Variants in CACNA1C observed in about 807,000 individuals in gnomAD.
CACNA1C encodes the protein calcium voltage-gated channel subunit alpha1 C.
A neutral mutation model predicts 229.0 loss-of-function variants in CACNA1C; 30 were observed. The observed-to-expected ratio is 0.13, with a 90% CI of 0.10 to 0.18. The LOEUF (loss-of-function observed/expected upper bound fraction) is 0.18. CACNA1C is among the 10% of genes least tolerant of loss of function. The probability of loss-of-function intolerance (pLI) is 1.00; values close to 1 mark genes in which losing one functional copy is unlikely to be tolerated. For missense variants in CACNA1C, 1,658 were observed against 2,845.0 expected (o/e 0.58, Z 9.49); for synonymous variants, 1,114 against 1,132.5 (o/e 0.98, Z 0.33).
Position 2,658,765 on chromosome 12 carries a change from G to A in CACNA1C, c.4232+3527G>A, listed in dbSNP as rs565258395. 7.9e-5 allele frequency among the ~76,000 whole-genome samples: 12 copies of A among 152,124 alleles called. No individual in the cohort carries two copies. In the East Asian group the frequency reaches 2.3e-3, roughly 29 times the overall value. ...AGACCTTCCGATAGGACAAGATGTG[G>A]AGGTGGAAGACAGTGATGTTGATGA... is the stretch of plus-strand genomic sequence containing the variant. On this transcript the variant is annotated intron_variant, in intron 34 of 46. Transcript: ENST00000399655.
At chr12:2,444,538 C>T (rs747240719) in intron 3 of CACNA1C, among the ~76,000 whole-genome samples, 29 of 152,126 alleles carry the variant, frequency 1.9e-4, no homozygotes, top group Non-Finnish European at 3.2e-4. Flanking sequence ...CTCGTTCAGC[C>T]GTCTCCTGCA....
At chr12:2,151,095 T>A (rs2095214820) in intron 3 of CACNA1C, among the ~76,000 whole-genome samples, 1 of 152,152 alleles carries the variant, frequency 6.6e-6, no homozygotes, top group Admixed American at 6.5e-5. Flanking sequence ...ATGAACTTTG[T>A]TCATAACAGA....
chr12:2,011,492 A>C (rs2044437859), intron 1 of CACNA1C: 1 of 152,250 alleles, frequency 6.6e-6, no homozygotes, highest in Non-Finnish European at 1.5e-5. Context: ...CAAAGAACCC[A>C]CAGTTCTGGG....
intron 1 of CACNA1C, among the ~76,000 whole-genome samples, chr12:2,109,672 C>T (rs2080848280): frequency 6.6e-6 from 1 of 152,154 alleles, no homozygotes; most frequent in Non-Finnish European, 1.5e-5. Flanking sequence ...TAAAAGGTGA[C>T]TTTGGCTGCT....
chr12:1,976,629 GC>G (rs1748035585), intron 1 of CACNA1C, among the ~76,000 whole-genome samples: 1 of 151,944 alleles, frequency 6.6e-6, no homozygotes, highest in African/African-American at 2.4e-5. Context: ...CTAAGTTTTT[GC>G]CTAGTAAGAA....
At chr12:2,590,780 A>G (rs2064933868) in intron 18 of CACNA1C, among the ~76,000 whole-genome samples, 1 of 152,240 alleles carries the variant, frequency 6.6e-6, no homozygotes, top group South Asian at 2.1e-4. Flanking sequence ...TGTAAACACA[A>G]ATGATTAAAA....
At chr12:2,004,050 T>A in intron 1 of CACNA1C, 1 of 608,088 alleles carries the variant, frequency 1.6e-6, no homozygotes, top group Non-Finnish European at 2.9e-6. Context: ...CAGCGTTGGG[T>A]ACGTTAGAGA....
At chr12:2,201,506 G>A (rs185345880) in intron 3 of CACNA1C, among the ~76,000 whole-genome samples, 11 of 152,338 alleles carry the variant, frequency 7.2e-5, no homozygotes, top group Admixed American at 5.9e-4. Context: ...CTCCCAGACT[G>A]AACAGAAGAC....
At chr12:2,482,405 A>C (rs935021017) in intron 5 of CACNA1C, among the ~76,000 whole-genome samples, 2 of 152,218 alleles carry the variant, frequency 1.3e-5, no homozygotes, top group Non-Finnish European at 2.9e-5. Flanking sequence ...CCTGGCACTG[A>C]GCCCTGTGCC....
chr12:2,685,952 G>T (rs1459658867), intron 44 of CACNA1C, 110 bp downstream of exon 44: 2 of 868,954 alleles, frequency 2.3e-6, no homozygotes, highest in Non-Finnish European at 3.7e-6. Flanking sequence ...GCCCCACACA[G>T]TGGGGCATTT....
rs990305278 is a variant in CACNA1C at position 2,034,945 on chromosome 12, C to T, written c.139+63744C>T. Among the ~76,000 whole-genome samples the T allele has an allele frequency of 1.7e-4, 26 of 152,050 alleles. No individual in the cohort carries two copies. The highest frequency in any genetic ancestry group is 6.0e-4 in the African/African-American group (25 of 41,420). Reference sequence around the variant, plus strand: ...CAGGGGAAGAAGCCTTAGGAGCTGGCGAGGCGAGGGGGTGAAGAGGAGAAG... The same window carrying T: ...CAGGGGAAGAAGCCTTAGGAGCTGGTGAGGCGAGGGGGTGAAGAGGAGAAG... On this transcript the variant is annotated intron_variant, in intron 1 of 46. Transcript: ENST00000682462. This position sits in a 1 kb window ranked among gnomAD's most constrained non-coding sequence, Gnocchi z 4.1.
intron 4 of CACNA1C, among the ~76,000 whole-genome samples, chr12:2,456,747 C>T (rs1282360258): frequency 2.0e-5 from 3 of 152,182 alleles, no homozygotes; most frequent in Non-Finnish European, 4.4e-5. Flanking sequence ...CTGCAGAGCC[C>T]CTCCCCGCTC....
intron 3 of CACNA1C, among the ~76,000 whole-genome samples, chr12:2,196,097 C>G (rs1396462635): frequency 6.6e-6 from 1 of 152,194 alleles, no homozygotes; most frequent in East Asian, 1.9e-4. Flanking sequence ...CCAATAACTT[C>G]TGCTTTAGAG....
At position 2,225,862 on chromosome 12, in the gene CACNA1C, G is replaced by T. The variant is rs143309786; in HGVS notation, c.477+105432G>T. Among the ~76,000 whole-genome samples the T allele has an allele frequency of 1.3e-5, 2 of 152,266 alleles. 1 individual carries two copies. The highest frequency in any genetic ancestry group is 4.8e-5 in the African/African-American group (2 of 41,536). On this transcript the variant is annotated intron_variant, in intron 3 of 46. Transcript: ENST00000399655. ...CAAGCTGGATGGAAACCACATGGAT[G>T]AGGCCCCAGAGAGTGAGGACGCCAT... is the stretch of plus-strand genomic sequence containing the variant.
At chr12:2,257,477 A>G (rs905849125) in intron 3 of CACNA1C, among the ~76,000 whole-genome samples, 10 of 152,220 alleles carry the variant, frequency 6.6e-5, no homozygotes, top group African/African-American at 2.4e-4. Context: ...GGAGCATGCA[A>G]CCTAGATCCC....
intron 30 of CACNA1C, among the ~76,000 whole-genome samples, chr12:2,637,719 C>T (rs566805062): frequency 6.6e-6 from 1 of 152,364 alleles, no homozygotes; most frequent in South Asian, 2.1e-4. Context: ...AATCCTGCAT[C>T]CCTGGGCCCT....
intron 3 of CACNA1C, among the ~76,000 whole-genome samples, chr12:2,210,319 T>C (rs2097881559): frequency 6.6e-6 from 1 of 152,188 alleles, no homozygotes; most frequent in Non-Finnish European, 1.5e-5. Flanking sequence ...TCTTCCATAG[T>C]TGGGAGTTGA....
In CACNA1C at chr12:2,693,938, A is replaced by G. The variant is rs1049657310; in HGVS notation, c.*2739A>G. On this transcript the variant is annotated 3_prime_UTR_variant, in exon 47 of 47. Coordinates refer to ENST00000399655, the MANE Select transcript of CACNA1C (RefSeq NM_000719.7). ...ACAGCTTGCTGGACTGATTCATGAC[A>G]AAGTGGAGAAATGTACTCAATACTC... is the stretch of plus-strand genomic sequence containing the variant. The G allele has an allele frequency of 6.6e-6, 1 of 152,220 alleles. No homozygotes were observed. The highest frequency in any genetic ancestry group is 1.5e-5 in the Non-Finnish European group (1 of 68,036). The allele number at this position is 152,220 out of a possible 1,614,324, so 9.4% of individuals were successfully genotyped here. A position where few individuals can be genotyped will look rare whatever the true frequency, so the allele number is the denominator to read the frequency against.
intron 3 of CACNA1C, among the ~76,000 whole-genome samples, chr12:2,330,713 C>A (rs1292550580): frequency 1.3e-5 from 2 of 152,140 alleles, no homozygotes; most frequent in Non-Finnish European, 2.9e-5. Context: ...TTTCTAAAAA[C>A]AACAATGATA....
Sources: allele counts gnomAD v4.1 joint callset (sites outside exome capture counted in the v4.1 genomes callset), GRCh38; gene constraint gnomAD v4.1.1; non-coding constraint Gnocchi (gnomAD v3.1); transcripts MANE v1.5; gene names NCBI Gene and HGNC (gene_info 2026-07-23, HGNC 2026-07-21).